Variants in KIAA0753 observed in about 807,000 individuals in gnomAD.
The protein encoded by KIAA0753 is KIAA0753.
KIAA0753 carries 114 observed loss-of-function variants against 116.9 expected under a neutral mutation model. The ratio of observed to expected loss-of-function variants is 0.98; its 90% confidence interval spans 0.84 to 1.14. The LOEUF (loss-of-function observed/expected upper bound fraction) is 1.14, where lower values mean the gene tolerates loss of function less well. Ranked by LOEUF, KIAA0753 falls within the 50% of genes most tolerant of loss-of-function variation. The pLI, the probability that KIAA0753 is intolerant of heterozygous loss-of-function variation, is 0.00. For missense variants in KIAA0753, 1,156 were observed against 1,172.4 expected (o/e 0.99, Z 0.20); for synonymous variants, 405 against 413.1 (o/e 0.98, Z 0.24).
intron 3 of KIAA0753, 45 bp downstream of exon 3, chr17:6,628,072 A>G: frequency 6.4e-7 from 1 of 1,556,012 alleles, no homozygotes. Context: ...AAACTACCCC[A>G]TAATCACAGC....
intron 4 of KIAA0753, among the ~76,000 whole-genome samples, chr17:6,624,427 T>G (rs1971522514): frequency 6.6e-6 from 1 of 152,034 alleles, no homozygotes. Context: ...TGCAAAAATA[T>G]GTGCTATATA....
Position 6,622,940 on chromosome 17 carries a change from T to C in KIAA0753, c.1046A>G (p.Lys349Arg). The change falls in exon 6 of 19, where the codon AAG becomes AGG. Residue 349 changes from lysine to arginine, a missense_variant. Lys to Arg is a conservative substitution (Grantham distance 26). Coordinates refer to ENST00000361413, the MANE Select transcript of KIAA0753 (RefSeq NM_014804.3). Reference protein sequence around the residue: ...LIRQLSLCSVKLDADPSVPDV... With the variant: ...LIRQLSLCSVRLDADPSVPDV... ...AGGAACAGAAGGGTCTGCATCCAGC[T>C]TGACAGAACAAAGTGAAAGCTGGCG... 6.2e-7 allele frequency: 1 copy of C among 1,614,176 alleles called. No homozygotes were observed. The highest frequency in any genetic ancestry group is 8.5e-7 in the Non-Finnish European group (1 of 1,180,016).
chr17:6,631,569 C>G (rs761807222), intron 2 of KIAA0753, among the ~76,000 whole-genome samples: 1 of 151,930 alleles, frequency 6.6e-6, no homozygotes, highest in Non-Finnish European at 1.5e-5. Context: ...GATACATAGA[C>G]AGCAAGAGAA....
intron 8 of KIAA0753, among the ~76,000 whole-genome samples, 164 bp from the exon 9 acceptor site, chr17:6,610,324 T>G (rs1970447391): frequency 7.5e-6 from 1 of 133,218 alleles, no homozygotes; most frequent in Admixed American, 7.7e-5. Context: ...GGGTGTAAAT[T>G]TCATTGAAAC....
chr17:6,592,137 G>A lies in KIAA0753; in HGVS notation c.2441-1507C>T, dbSNP rs753509172. Among the ~76,000 whole-genome samples the A allele has an allele frequency of 2.6e-4, 39 of 152,314 alleles. No homozygotes were observed. In the Middle Eastern group the frequency reaches 0.01, roughly 40 times the overall value. ...AGAATGAAAATAGAGGCTGGAGGAG[G>A]ATTGAGGGGAAGAGAGAACAACAGT... On this transcript the variant is annotated intron_variant, in intron 16 of 18. Transcript: ENST00000361413.
rs757175503 is a variant in KIAA0753 at position 6,610,027 on chromosome 17, G to A, written c.1679C>T (p.Pro560Leu). Residue 560 changes from proline (P) to leucine (L), a missense_variant, in exon 9 of 19, where the codon CCA becomes CTA. Pro to Leu is a moderately conservative substitution (Grantham distance 98). Transcript: ENST00000361413. ...VKDRKAPWIP[P>L]NPTSPPASPK... ...AGACGCTGGTGGGGATGTGGGGTTT[G>A]GGGGTATCCATGGTGCCTTGCGGTC... 6.2e-7 allele frequency: 1 copy of A among 1,614,076 alleles called. No homozygotes were observed. The highest frequency in any genetic ancestry group is 1.1e-5 in the South Asian group (1 of 91,080).
chr17:6,598,899 G>C (rs577203304), intron 14 of KIAA0753, among the ~76,000 whole-genome samples: 1 of 152,184 alleles, frequency 6.6e-6, no homozygotes, highest in African/African-American at 2.4e-5. Context: ...AAACTAGGCT[G>C]AATGAAAGGA....
At chr17:6,581,405 T>C (rs1395324478) in intron 18 of KIAA0753, among the ~76,000 whole-genome samples, 1 of 152,200 alleles carries the variant, frequency 6.6e-6, no homozygotes, top group Non-Finnish European at 1.5e-5. Context: ...ATCTATTTGA[T>C]ATCCATTAAT....
At chr17:6,632,849 C>T (rs1972092385) in intron 2 of KIAA0753, among the ~76,000 whole-genome samples, 1 of 152,048 alleles carries the variant, frequency 6.6e-6, no homozygotes, top group Non-Finnish European at 1.5e-5. Flanking sequence ...AATAACTGGC[C>T]TATATTCTTA....
At chr17:6,624,536 C>CCCCA (rs71383417) in intron 4 of KIAA0753, among the ~76,000 whole-genome samples, 11 of 144,020 alleles carry the variant, frequency 7.6e-5, no homozygotes, top group East Asian at 6.2e-4. Context: ...GAGTTTGGCG[C>CCCCA]CACACACACA....
chr17:6,585,118 CCTTAT>C (rs1968472927), intron 18 of KIAA0753, among the ~76,000 whole-genome samples: 1 of 145,906 alleles, frequency 6.9e-6, no homozygotes, highest in South Asian at 2.2e-4. Flanking sequence ...TTCTATCTGC[CCTTAT>C]CTTTAATTGA....
In KIAA0753 at chr17:6,628,708, G is replaced by A; in HGVS notation, c.127C>T (p.His43Tyr). Reference sequence around the variant, plus strand: ...TATCGGATCGCCAAGTTGCTTGAATGTGTAGGAACATTCCTATTAAACTGC... The same window carrying A: ...TATCGGATCGCCAAGTTGCTTGAATATGTAGGAACATTCCTATTAAACTGC... ...QLQFNRNVPT[H>Y]SSNLAIRYSC... The change falls in exon 3 of 19, where the codon CAT (histidine) becomes TAT (tyrosine). Residue 43 changes from histidine (H) to tyrosine (Y), a missense_variant. Physicochemically the swap from His to Tyr is moderately conservative, Grantham distance 83 (BLOSUM62 2). Transcript: ENST00000361413. 6.2e-7 allele frequency: 1 copy of A among 1,609,568 alleles called. No homozygotes were observed. The highest frequency in any genetic ancestry group is 8.5e-7 in the Non-Finnish European group (1 of 1,177,930).
At chr17:6,610,860 G>C (rs1485286794) in intron 8 of KIAA0753, among the ~76,000 whole-genome samples, 1 of 152,158 alleles carries the variant, frequency 6.6e-6, no homozygotes, top group African/African-American at 2.4e-5. Flanking sequence ...AATGCGGGCT[G>C]TCTGTGGAGA....
chr17:6,579,705 C>A lies in KIAA0753; in HGVS notation c.*42G>T, dbSNP rs1205719951. 1 of 1,367,694 alleles carries A rather than the reference C, an allele frequency of 7.3e-7. No individual in the cohort carries two copies. Among genetic ancestry groups the A allele is most frequent in the East Asian group, 2.3e-5 (1 of 43,592 alleles). 84.7% of individuals were successfully genotyped at this position (1,367,694 alleles called of 1,614,324 possible). A position where few individuals can be genotyped will look rare whatever the true frequency, so the allele number is the denominator to read the frequency against. On this transcript the variant is annotated 3_prime_UTR_variant, in exon 19 of 19. Transcript: ENST00000361413. Reference sequence around the variant, plus strand: ...GGCCAAAACAAAGGGTGGTGCCATCCCTTCTCCAGTGTGACACAAATGGCC... The same window carrying A: ...GGCCAAAACAAAGGGTGGTGCCATCACTTCTCCAGTGTGACACAAATGGCC...
At chr17:6,617,405 A>C (rs1294031400) in intron 7 of KIAA0753, among the ~76,000 whole-genome samples, 1 of 152,192 alleles carries the variant, frequency 6.6e-6, no homozygotes, top group African/African-American at 2.4e-5. Flanking sequence ...AAAGTGAATA[A>C]ATATCTAACA....
Position 6,590,440 on chromosome 17 carries a change from A to G in KIAA0753, c.2561+70T>C. On this transcript the variant is annotated intron_variant, in intron 17 of 18. Transcript: ENST00000361413. ...TTCTGTCTGTCTTATGGGAACTGAA[A>G]GAATTCAAAATCTAATAACATCAAA... The G allele has an allele frequency of 3.2e-6, 5 of 1,578,526 alleles. No individual in the cohort carries two copies. The South Asian group carries it at 4.5e-5, about 14-fold the overall frequency.
rs1396684840 is a variant in KIAA0753 at position 6,628,526 on chromosome 17, T to A, written c.309A>T (p.Leu103=). 6.2e-7 allele frequency: 1 copy of A among 1,614,116 alleles called. No individual in the cohort carries two copies. Among genetic ancestry groups the A allele is most frequent in the Non-Finnish European group, 8.5e-7 (1 of 1,180,060 alleles). ...SQERLSYAVH[L]ARRDVKRRQF... is the part of the protein sequence containing the mutation. ...GTCTTCGTTTCACATCTCTTCTGGCTAGGTGGACAGCATAGCTAAGTCTCT... is the reference window on the plus strand; with the variant it reads ...GTCTTCGTTTCACATCTCTTCTGGCAAGGTGGACAGCATAGCTAAGTCTCT... The change falls in exon 3 of 19, where the codon CTA becomes CTT. Residue 103 remains leucine, a synonymous_variant. Transcript: ENST00000361413.
intron 7 of KIAA0753, among the ~76,000 whole-genome samples, chr17:6,615,706 T>A (rs72835754): frequency 1.3e-5 from 2 of 151,198 alleles, no homozygotes; most frequent in Non-Finnish European, 2.9e-5. Flanking sequence ...CAACTCTGAC[T>A]GTAAGTCCTG....
At chr17:6,610,516 CTTTTT>C (rs71157206) in intron 8 of KIAA0753, among the ~76,000 whole-genome samples, 1 of 113,460 alleles carries the variant, frequency 8.8e-6, no homozygotes, top group Non-Finnish European at 1.7e-5. Flanking sequence ...TTTTCTTTCT[CTTTTT>C]TTTTTTTTTT....
Sources: allele counts gnomAD v4.1 joint callset (sites outside exome capture counted in the v4.1 genomes callset), GRCh38; gene constraint gnomAD v4.1.1; transcripts MANE v1.5; gene names NCBI Gene and HGNC (gene_info 2026-07-23, HGNC 2026-07-21).